SGCZ: variants seen among roughly 807,000 people sequenced by gnomAD.
SGCZ encodes zeta-sarcoglycan.
In SGCZ, 40 loss-of-function variants were observed where a neutral mutation model predicts 41.3. That is an observed-to-expected ratio of 0.97 (90% CI 0.75 to 1.26). SGCZ has a LOEUF of 1.26. SGCZ is among the 50% of genes most tolerant of loss of function. The probability of loss-of-function intolerance (pLI) is 0.00; values close to 1 mark genes in which losing one functional copy is unlikely to be tolerated. For synonymous variants in SGCZ, 206 were observed against 137.5 expected (o/e 1.50, Z -3.49); for missense variants, 552 against 369.8 (o/e 1.49, Z -4.04).
At chr8:14,409,860 AAC>A (rs1427556896) in intron 2 of SGCZ, among the ~76,000 whole-genome samples, 4 of 152,210 alleles carry the variant, frequency 2.6e-5, no homozygotes, top group African/African-American at 4.8e-5. Context: ...TACAAATATG[AAC>A]AGTTATTTAT....
intron 1 of SGCZ, among the ~76,000 whole-genome samples, chr8:14,700,445 C>G (rs1809099784): frequency 6.6e-6 from 1 of 151,750 alleles, no homozygotes; most frequent in Non-Finnish European, 1.5e-5. Context: ...ATAATGGACA[C>G]TGAGGACTAC....
intron 1 of SGCZ, among the ~76,000 whole-genome samples, chr8:14,874,452 C>G (rs1393887039): frequency 1.3e-5 from 2 of 151,942 alleles, no homozygotes; most frequent in East Asian, 1.9e-4. Context: ...AAATAAAAAT[C>G]CTTGGGGATG....
chr8:14,667,697 T>C (rs1006162334), intron 1 of SGCZ, among the ~76,000 whole-genome samples: 1 of 152,170 alleles, frequency 6.6e-6, no homozygotes, highest in Non-Finnish European at 1.5e-5. Flanking sequence ...ACCATCACTA[T>C]TGAACTCTTG....
chr8:14,098,123 CAGTA>C (rs1801901220), intron 7 of SGCZ, among the ~76,000 whole-genome samples: 1 of 151,954 alleles, frequency 6.6e-6, no homozygotes, highest in South Asian at 2.1e-4. Context: ...AATAGTTATT[CAGTA>C]AATGAATACA....
chr8:14,372,818 A>G (rs1204981274), intron 2 of SGCZ, among the ~76,000 whole-genome samples: 1 of 152,038 alleles, frequency 6.6e-6, no homozygotes, highest in East Asian at 1.9e-4. Context: ...GGAGAAACAA[A>G]TGAGACCCGT....
At chr8:14,733,217 G>A (rs920343772) in intron 1 of SGCZ, among the ~76,000 whole-genome samples, 1 of 152,088 alleles carries the variant, frequency 6.6e-6, no homozygotes, top group Non-Finnish European at 1.5e-5. Context: ...AGGTATCTAG[G>A]GACAATCTAG....
rs545249898 is a variant in SGCZ, at chr8:15,119,725, T to C, written c.39+117860A>G. Among the ~76,000 whole-genome samples the C allele has an allele frequency of 3.9e-4, 59 of 152,264 alleles. 1 individual carries two copies. Among genetic ancestry groups the C allele is most frequent in the Admixed American group, 3.7e-3 (57 of 15,300 alleles). ...TCTATCATTATCATTAGCAGAACTT[T>C]ACTGCTTGTTTTAATTCCTTCACTC... On this transcript the variant is annotated intron_variant, in intron 1 of 7. Coordinates refer to ENST00000382080, the MANE Select transcript of SGCZ (RefSeq NM_139167.4).
chr8:14,786,234 G>C lies in SGCZ; in HGVS notation c.40-231308C>G, dbSNP rs544467147. ...TTTATCAGACAGTGGTCTTTGGTCA[G>C]AATCATTTGTAACATTTCATTAAAC... On this transcript the variant is annotated intron_variant, in intron 1 of 7. Transcript: ENST00000382080. Among the ~76,000 whole-genome samples the C allele has an allele frequency of 5.9e-5, 9 of 152,124 alleles. 1 individual carries two copies. The highest frequency in any genetic ancestry group is 5.9e-4 in the Admixed American group (9 of 15,266).
At chr8:14,477,925 A>G (rs1801407731) in intron 2 of SGCZ, among the ~76,000 whole-genome samples, 1 of 152,194 alleles carries the variant, frequency 6.6e-6, no homozygotes, top group African/African-American at 2.4e-5. Flanking sequence ...TTTAGACTTT[A>G]AGGAACTCAC....
chr8:14,409,971 A>T (rs947299823), intron 2 of SGCZ, among the ~76,000 whole-genome samples: 2 of 152,034 alleles, frequency 1.3e-5, no homozygotes, highest in African/African-American at 2.4e-5. Flanking sequence ...GGGGTCCCCA[A>T]CTCCCAGGCC....
chr8:14,767,390 T>C (rs1255179534), intron 1 of SGCZ, among the ~76,000 whole-genome samples: 1 of 152,182 alleles, frequency 6.6e-6, no homozygotes, highest in African/African-American at 2.4e-5. Flanking sequence ...AAAAGTGTTT[T>C]TAGTAGACCC....
chr8:14,560,128 C>T (rs936915986), intron 1 of SGCZ, among the ~76,000 whole-genome samples: 1 of 151,958 alleles, frequency 6.6e-6, no homozygotes, highest in African/African-American at 2.4e-5. Context: ...GGGATGAGTT[C>T]TAGCATTTCA....
intron 1 of SGCZ, among the ~76,000 whole-genome samples, chr8:14,881,633 G>T (rs1481699564): frequency 6.6e-6 from 1 of 152,082 alleles, no homozygotes; most frequent in Admixed American, 6.6e-5. Context: ...ATAATAGTGG[G>T]AGACTTTAAC....
chr8:14,224,552 C>T (rs1352524191), intron 4 of SGCZ, among the ~76,000 whole-genome samples: 2 of 152,126 alleles, frequency 1.3e-5, no homozygotes, highest in African/African-American at 4.8e-5. Flanking sequence ...GGAAATATTT[C>T]CCTATGTGAA....
At chr8:14,469,584 C>T (rs73519402) in intron 2 of SGCZ, among the ~76,000 whole-genome samples, 19 of 152,036 alleles carry the variant, frequency 1.2e-4, no homozygotes, top group South Asian at 4.2e-4. Flanking sequence ...TCTCTTTGTA[C>T]GCTACTGATG....
chr8:15,038,388 T>C (rs1200110199), intron 1 of SGCZ, among the ~76,000 whole-genome samples: 4 of 152,046 alleles, frequency 2.6e-5, no homozygotes, highest in Admixed American at 2.0e-4. Context: ...GATGTTGTGA[T>C]GACTGAAAAT....
chr8:14,591,136 T>A (rs1484829389), intron 1 of SGCZ, among the ~76,000 whole-genome samples: 1 of 151,744 alleles, frequency 6.6e-6, no homozygotes, highest in Non-Finnish European at 1.5e-5. Flanking sequence ...CAATGTCTTT[T>A]ATTTTCTCTC....
intron 1 of SGCZ, among the ~76,000 whole-genome samples, chr8:14,993,652 A>G (rs1393452665): frequency 6.6e-6 from 1 of 152,202 alleles, no homozygotes; most frequent in African/African-American, 2.4e-5. Context: ...GAAGGGAGAG[A>G]GAATTCTAGC....
chr8:14,762,573 A>T (rs1799921553), intron 1 of SGCZ, among the ~76,000 whole-genome samples: 1 of 152,198 alleles, frequency 6.6e-6, no homozygotes, highest in Non-Finnish European at 1.5e-5. Context: ...TTGTTAATTG[A>T]AAACAAATGA....
Sources: gnomAD v4.1 joint callset for allele counts (sites outside exome capture counted in the v4.1 genomes callset) on GRCh38, gnomAD v4.1.1 for gene constraint, MANE v1.5 for transcripts, NCBI Gene and HGNC (gene_info 2026-07-23, HGNC 2026-07-21) for gene names.